The following TENM2 variants were observed in gnomAD, a reference collection of about 807,000 sequenced individuals.
TENM2 encodes the protein teneurin transmembrane protein 2, also known as teneurin-2.
A neutral mutation model predicts 245.2 loss-of-function variants in TENM2; 52 were observed. That is an observed-to-expected ratio of 0.21 (90% CI 0.17 to 0.27). The LOEUF (loss-of-function observed/expected upper bound fraction) is 0.27. Ranked by LOEUF, TENM2 falls within the 10% of genes least tolerant of loss-of-function variation. The pLI is 1.00. For missense variants in TENM2, 3,046 were observed against 3,666.8 expected, an observed-to-expected ratio of 0.83 and a Z score of 4.37; for synonymous variants, 1,363 against 1,438.9, an observed-to-expected ratio of 0.95 and a Z score of 1.19.
rs952447261 is a variant in TENM2, at chr5:167,645,302, G to A, written c.503-230684G>A. On this transcript the variant is annotated intron_variant, in intron 2 of 28. Coordinates refer to ENST00000518659, the Ensembl canonical transcript of TENM2. The stretch of plus-strand genomic sequence containing the variant: ...ATCTCTTATAATGACTCATGACCGG[G>A]TGAAGGAGGAATCAGTGCAAATTGC... 1.4e-4 allele frequency among the ~76,000 whole-genome samples: 21 copies of A among 152,274 alleles called. No individual in the cohort carries two copies. In the South Asian group the frequency reaches 2.1e-3, roughly 15 times the overall value.
intron 2 of TENM2, among the ~76,000 whole-genome samples, chr5:167,564,983 G>A (rs1440604094): frequency 6.6e-6 from 1 of 152,216 alleles, no homozygotes; most frequent in Non-Finnish European, 1.5e-5. Flanking sequence ...GATACATTAG[G>A]AATCCCCAGC....
At chr5:167,050,753 G>GT in the TENM2 span, among the ~76,000 whole-genome samples, 1 of 152,146 alleles carries the variant, frequency 6.6e-6, no homozygotes, top group Non-Finnish European at 1.5e-5. Context: ...GGAGTGCTCA[G>GT]TGTCACTACC....
At chr5:167,496,642 T>C (rs1435271057) in intron 2 of TENM2, among the ~76,000 whole-genome samples, 1 of 152,134 alleles carries the variant, frequency 6.6e-6, no homozygotes, top group Non-Finnish European at 1.5e-5. Context: ...TAGAATTCAA[T>C]TGAGAGATGT....
At chr5:167,292,794 T>C (rs768500754) in intron 1 of TENM2, among the ~76,000 whole-genome samples, 1 of 152,098 alleles carries the variant, frequency 6.6e-6, no homozygotes, top group Admixed American at 6.5e-5. Flanking sequence ...AAAGGGATAA[T>C]ATTGGATGGT....
At chr5:167,718,333 G>A (rs1199731365) in intron 2 of TENM2, among the ~76,000 whole-genome samples, 1 of 152,210 alleles carries the variant, frequency 6.6e-6, no homozygotes, top group African/African-American at 2.4e-5. Context: ...CTGACAAATT[G>A]GGTCCTGTTT....
At chr5:167,053,431 A>G in the TENM2 span, among the ~76,000 whole-genome samples, 1 of 152,024 alleles carries the variant, frequency 6.6e-6, no homozygotes, top group African/African-American at 2.4e-5. Flanking sequence ...GTTGGAGCAG[A>G]TGTTTGTATG....
In TENM2 at chr5:168,158,829, G is replaced by GTGTA. The variant is rs1397260649; in HGVS notation, c.2423-3781_2423-3780insGTAT. Among the ~76,000 whole-genome samples the GTGTA allele has an allele frequency of 3.1e-3, 196 of 63,726 alleles. 1 individual carries two copies. Among genetic ancestry groups the GTGTA allele is most frequent in the African/African-American group, 0.011 (187 of 17,210 alleles). The allele number at this position is 63,726 out of a possible 152,430, so 41.8% of individuals were successfully genotyped here. A position where few individuals can be genotyped will look rare whatever the true frequency, so the allele number is the denominator to read the frequency against. On this transcript the variant is annotated intron_variant, in intron 12 of 28. Transcript: ENST00000518659. ...AAAATGTGTGTGTGTGTGTGTGTGT[G>GTGTA]TATATATATATATATATATATACAC...
At chr5:167,815,480 A>G (rs1164587929) in intron 2 of TENM2, among the ~76,000 whole-genome samples, 1 of 152,184 alleles carries the variant, frequency 6.6e-6, no homozygotes, top group East Asian at 1.9e-4. Context: ...TGGGAGACTT[A>G]CACAGCTAGG....
At chr5:167,280,748 A>ATCTG (rs77482566), upstream of TENM2, among the ~76,000 whole-genome samples, 50,116 of 131,322 alleles carry the variant, frequency 0.38, 9,692 homozygotes, top group Non-Finnish European at 0.43. Flanking sequence ...CTGTCTGTCT[A>ATCTG]TCTGTCTGTC....
At chr5:167,643,996 A>G (rs1442727627) in intron 2 of TENM2, among the ~76,000 whole-genome samples, 1 of 152,186 alleles carries the variant, frequency 6.6e-6, no homozygotes, top group Non-Finnish European at 1.5e-5. Flanking sequence ...TCATATTCTA[A>G]TATTGTATCA....
intron 9 of TENM2, 83 bp from the exon 12 acceptor site, chr5:168,118,209 A>C (rs1795220008): frequency 3.3e-6 from 4 of 1,200,434 alleles, no homozygotes; most frequent in South Asian, 2.2e-5. Context: ...CCCCAAGGCC[A>C]GACAGCTCTA....
At chr5:167,675,940 C>A (rs565044802) in intron 2 of TENM2, among the ~76,000 whole-genome samples, 3 of 152,042 alleles carry the variant, frequency 2.0e-5, no homozygotes, top group Non-Finnish European at 4.4e-5. Flanking sequence ...TTGGGTAGTA[C>A]ATGAATGTCA....
intron 2 of TENM2, among the ~76,000 whole-genome samples, chr5:167,789,362 C>T (rs184316725): frequency 1.5e-4 from 23 of 152,340 alleles, no homozygotes; most frequent in Admixed American, 1.5e-3. Context: ...GTGGCTGCTT[C>T]ACCCTCATCC....
At chr5:167,044,525 G>C in the TENM2 span, among the ~76,000 whole-genome samples, 1 of 152,134 alleles carries the variant, frequency 6.6e-6, no homozygotes, top group Non-Finnish European at 1.5e-5. Flanking sequence ...ACCCATCAGG[G>C]TGTCCAATGT....
intron 9 of TENM2, among the ~76,000 whole-genome samples, chr5:168,106,296 G>A (rs572594373): frequency 6.6e-6 from 1 of 152,244 alleles, no homozygotes; most frequent in East Asian, 1.9e-4. Context: ...ACTGGCAAAT[G>A]TTCCCACCAC....
chr5:167,680,686 T>C (rs758144657), intron 2 of TENM2, among the ~76,000 whole-genome samples: 2 of 152,122 alleles, frequency 1.3e-5, no homozygotes, highest in African/African-American at 2.4e-5. Context: ...AGTGTGGAGA[T>C]GCAAAGTACT....
intron 5 of TENM2, among the ~76,000 whole-genome samples, chr5:168,004,265 T>C (rs1394377270): frequency 6.6e-6 from 1 of 152,198 alleles, no homozygotes; most frequent in Non-Finnish European, 1.5e-5. Context: ...CCTAACTTCA[T>C]AGTGTGAAGA....
intron 7 of TENM2, among the ~76,000 whole-genome samples, chr5:168,078,267 A>T (rs935063069): frequency 6.6e-6 from 1 of 151,778 alleles, no homozygotes; most frequent in African/African-American, 2.4e-5. Flanking sequence ...CCACTTTTTG[A>T]TGGGGTTGTT....
At chr5:167,944,946 T>C (rs32411) in intron 3 of TENM2, among the ~76,000 whole-genome samples, 16,960 of 152,194 alleles carry the variant, frequency 0.11, 1,045 homozygotes, top group African/African-American at 0.17. Context: ...CTTCCCTCTG[T>C]GTCTAGCCAT....
Sources: allele counts gnomAD v4.1 joint callset (sites outside exome capture counted in the v4.1 genomes callset), GRCh38; gene constraint gnomAD v4.1.1; transcripts MANE v1.5; gene names NCBI Gene and HGNC (gene_info 2026-07-23, HGNC 2026-07-21).